Variants in C2orf74 observed in about 807,000 individuals in gnomAD.
The protein encoded by C2orf74 is uncharacterized protein C2orf74.
C2orf74 carries 14 observed loss-of-function variants against 17.9 expected under a neutral mutation model. The ratio of observed to expected loss-of-function variants is 0.78; its 90% CI spans 0.52 to 1.22. The LOEUF (loss-of-function observed/expected upper bound fraction) is 1.22, where lower values mean the gene tolerates loss of function less well. C2orf74 is among the 50% of genes most tolerant of loss of function. C2orf74 has a pLI of 0.00. For synonymous variants in C2orf74, 79 were observed against 72.6 expected (o/e 1.09, Z -0.44); for missense variants, 217 against 218.4 (o/e 0.99, Z 0.04).
chr2:61,146,104 T>TA (rs1258014086), intron 1 of C2orf74, among the ~76,000 whole-genome samples: 1 of 152,234 alleles, frequency 6.6e-6, no homozygotes, highest in Non-Finnish European at 1.5e-5. Flanking sequence ...TTATTGATTG[T>TA]AATAGCAAAA....
chr2:61,152,714 GACA>G (rs1685267584), intron 1 of C2orf74, among the ~76,000 whole-genome samples: 1 of 151,310 alleles, frequency 6.6e-6, no homozygotes, highest in African/African-American at 2.4e-5. Context: ...TGGGCGTGGT[GACA>G]CATGCCTGTA....
chr2:61,164,282 C>T, intron 4 of C2orf74, 72 bp from the exon 5 acceptor site: 3 of 1,268,964 alleles, frequency 2.4e-6, no homozygotes, highest in South Asian at 1.8e-5. Context: ...GTACATATAA[C>T]CTGTAATTTT....
chr2:61,154,693 G>A (rs1449042953), intron 1 of C2orf74, among the ~76,000 whole-genome samples: 1 of 152,100 alleles, frequency 6.6e-6, no homozygotes, highest in Non-Finnish European at 1.5e-5. Context: ...TTTACAGAGA[G>A]GAAAACATCT....
chr2:61,151,537 G>T (rs981148088), intron 1 of C2orf74: 1 of 151,660 alleles, frequency 6.6e-6, no homozygotes, highest in Non-Finnish European at 1.5e-5. Flanking sequence ...GTAATCTGAA[G>T]ACTCATTTGG....
At chr2:61,163,383 C>T (rs1399877925) in intron 4 of C2orf74, among the ~76,000 whole-genome samples, 151 bp downstream of exon 4, 5 of 152,054 alleles carry the variant, frequency 3.3e-5, no homozygotes, top group South Asian at 2.1e-4. Flanking sequence ...CCAAGGAGGG[C>T]GGATCACGAG....
At chr2:61,157,732 G>C, upstream of C2orf74, 1 of 393,476 alleles carries the variant, frequency 2.5e-6, no homozygotes, top group South Asian at 1.9e-5. Context: ...CTTGAACTGT[G>C]GACTATCCTG....
chr2:61,158,422 G>A (rs1350213683), upstream of C2orf74, among the ~76,000 whole-genome samples: 1 of 152,154 alleles, frequency 6.6e-6, no homozygotes, highest in Non-Finnish European at 1.5e-5. Flanking sequence ...CAAGGGGTTG[G>A]GATATACATA....
At position 61,162,300 on chromosome 2, in the gene C2orf74, T is replaced by G; in HGVS notation, c.-120T>G. Reference sequence around the variant, plus strand: ...TGGCCACCTCAGCCCCCACCACAGTTATGGAGAGAAATTAGCCAGTGTGAG... The same window carrying G: ...TGGCCACCTCAGCCCCCACCACAGTGATGGAGAGAAATTAGCCAGTGTGAG... On this transcript the variant is annotated 5_prime_UTR_variant, in exon 1 of 5. Coordinates refer to ENST00000432605, the MANE Select transcript of C2orf74 (RefSeq NM_001143959.4). 1 of 579,468 alleles carries G rather than the reference T, an allele frequency of 1.7e-6. No homozygotes were observed. Among genetic ancestry groups the G allele is most frequent in the Non-Finnish European group, 3.0e-6 (1 of 329,938 alleles). The allele number at this position is 579,468 out of a possible 1,614,324, so 35.9% of individuals were successfully genotyped here. A position where few individuals can be genotyped will look rare whatever the true frequency, so the allele number is the denominator to read the frequency against.
At chr2:61,146,755 C>T (rs1252177571) in intron 1 of C2orf74, among the ~76,000 whole-genome samples, 1 of 151,998 alleles carries the variant, frequency 6.6e-6, no homozygotes, top group Non-Finnish European at 1.5e-5. Context: ...AATTGAATCG[C>T]TTGAACCAGG....
Position 61,163,222 on chromosome 2 carries a change from G to A in C2orf74, c.380G>A (p.Gly127Asp). ...GAGCCTGAGAATGCTGGAGAAACTG[G>A]TCAAGAAGAGGTGATGTGTTTTTCT... is the stretch of plus-strand genomic sequence containing the variant. ...KQEPENAGET[G>D]QEEDDGLQKI... The change falls in exon 4 of 5, where the codon GGT (glycine) becomes GAT (aspartate). Residue 127 changes from glycine to aspartate, a missense_variant. Physicochemically the swap from Gly to Asp is moderately conservative, Grantham distance 94 (BLOSUM62 -1). Coordinates refer to ENST00000432605, the MANE Select transcript of C2orf74 (RefSeq NM_001143959.4). 6.4e-7 allele frequency: 1 copy of A among 1,550,842 alleles called. No homozygotes were observed. Among genetic ancestry groups the A allele is most frequent in the Non-Finnish European group, 8.7e-7 (1 of 1,146,720 alleles).
upstream of C2orf74, among the ~76,000 whole-genome samples, chr2:61,159,049 T>C (rs762283690): frequency 4.6e-5 from 7 of 152,090 alleles, no homozygotes; most frequent in Non-Finnish European, 1.0e-4. Flanking sequence ...CAGGCTGGAG[T>C]GCAGTGGTGC....
intron 1 of C2orf74, among the ~76,000 whole-genome samples, chr2:61,150,260 C>G (rs1048005998): frequency 6.6e-6 from 1 of 152,148 alleles, no homozygotes; most frequent in Non-Finnish European, 1.5e-5. Flanking sequence ...GATGGAGGTG[C>G]ACCTGGCCTT....
upstream of C2orf74, among the ~76,000 whole-genome samples, chr2:61,159,813 A>G (rs1363660432): frequency 6.6e-6 from 1 of 152,250 alleles, no homozygotes; most frequent in Middle Eastern, 3.2e-3. Context: ...TAAAACTGTG[A>G]TAAAATATAC....
chr2:61,162,115 T>C, upstream of C2orf74: 1 of 192,420 alleles, frequency 5.2e-6, no homozygotes, highest in Non-Finnish European at 1.1e-5. Flanking sequence ...TCTCTCTAAC[T>C]CAAGGGCTCC....
At chr2:61,160,364 T>C (rs963454913), upstream of C2orf74, among the ~76,000 whole-genome samples, 23 of 152,150 alleles carry the variant, frequency 1.5e-4, no homozygotes, top group African/African-American at 2.2e-4. Context: ...TTTCACCATG[T>C]TGGCCAGGCT....
upstream of C2orf74, chr2:61,158,099 C>T (rs749249808): frequency 2.3e-6 from 1 of 436,024 alleles, no homozygotes; most frequent in Admixed American, 2.5e-5. Context: ...ACAAGAAAAG[C>T]CCCCCTTGCT....
chr2:61,148,294 C>G (rs1685129833), intron 1 of C2orf74, among the ~76,000 whole-genome samples: 1 of 151,772 alleles, frequency 6.6e-6, no homozygotes, highest in Admixed American at 6.6e-5. Context: ...TCAAGCAATT[C>G]TCCTGCCTCA....
Position 61,162,487 on chromosome 2 carries a change from A to T in C2orf74, c.-28A>T. 1.3e-6 allele frequency: 2 copies of T among 1,496,004 alleles called. No homozygotes were observed. The highest frequency in any genetic ancestry group is 9.1e-7 in the Non-Finnish European group (1 of 1,099,276). 92.7% of individuals were successfully genotyped at this position (1,496,004 alleles called of 1,614,324 possible). On this transcript the variant is annotated 5_prime_UTR_variant, in exon 2 of 5. Coordinates refer to ENST00000432605, the MANE Select transcript of C2orf74 (RefSeq NM_001143959.4). ...AATATTTGGACAGTCTGTGATTGTG[A>T]GAGTGGATGAGTCTTCTAGCTAAAC...
intron 1 of C2orf74, among the ~76,000 whole-genome samples, chr2:61,155,815 C>T (rs948488624): frequency 9.2e-5 from 13 of 141,288 alleles, no homozygotes; most frequent in South Asian, 2.3e-4. Context: ...CCACCGTGCC[C>T]GGCCCCAGAA....
Sources: gnomAD v4.1 joint callset for allele counts (sites outside exome capture counted in the v4.1 genomes callset) on GRCh38, gnomAD v4.1.1 for gene constraint, MANE v1.5 for transcripts, NCBI Gene and HGNC (gene_info 2026-07-23, HGNC 2026-07-21) for gene names.